RAPGEF4: variants seen among roughly 807,000 people sequenced by gnomAD.
RAPGEF4 encodes Rap guanine nucleotide exchange factor 4, also known as RAP guanine-nucleotide-exchange factor (GEF) 4.
A neutral mutation model predicts 147.9 loss-of-function variants in RAPGEF4; 66 were observed. The observed-to-expected ratio is 0.45, with a 90% CI of 0.37 to 0.55. RAPGEF4 has a LOEUF of 0.55. RAPGEF4 is among the 20% of genes least tolerant of loss of function. The pLI is 0.00. For synonymous variants in RAPGEF4, 419 were observed against 442.7 expected (o/e 0.95, Z 0.67); for missense variants, 1,071 against 1,257.3 (o/e 0.85, Z 2.24).
At chr2:172,885,672 G>A (rs1027664681) in intron 4 of RAPGEF4, among the ~76,000 whole-genome samples, 13 of 152,124 alleles carry the variant, frequency 8.5e-5, no homozygotes, top group Non-Finnish European at 1.6e-4. Flanking sequence ...TCACCACCAC[G>A]AGAACAGTAT....
At chr2:173,036,062 G>T in intron 27 of RAPGEF4, 63 bp from the exon 28 acceptor site, 2 of 1,203,196 alleles carry the variant, frequency 1.7e-6, no homozygotes, top group Non-Finnish European at 1.2e-6. Flanking sequence ...GGTGTATTAG[G>T]AGGTAACAAA....
At chr2:172,890,135 G>A (rs1306805820) in intron 4 of RAPGEF4, among the ~76,000 whole-genome samples, 5 of 152,188 alleles carry the variant, frequency 3.3e-5, no homozygotes, top group Non-Finnish European at 7.3e-5. Flanking sequence ...AATTTAGAGG[G>A]TTTTTATTTT....
At chr2:173,044,925 C>G (rs889166653) in intron 29 of RAPGEF4, among the ~76,000 whole-genome samples, 1 of 152,164 alleles carries the variant, frequency 6.6e-6, no homozygotes, top group African/African-American at 2.4e-5. Context: ...CCCACTCCGG[C>G]CTGGCGTTAT....
At chr2:172,844,387 C>G (rs1691948588) in intron 4 of RAPGEF4, among the ~76,000 whole-genome samples, 1 of 152,122 alleles carries the variant, frequency 6.6e-6, no homozygotes, top group Non-Finnish European at 1.5e-5. Context: ...GTGAGGCACT[C>G]GGGAAATAAA....
chr2:172,974,372 G>C (rs2123506), intron 10 of RAPGEF4, among the ~76,000 whole-genome samples: 1 of 152,130 alleles, frequency 6.6e-6, no homozygotes, highest in Non-Finnish European at 1.5e-5. Flanking sequence ...AAAGGTGTCA[G>C]GGAAATCCAA....
At chr2:172,760,035 C>T (rs2149463388) in intron 1 of RAPGEF4, among the ~76,000 whole-genome samples, 1 of 152,258 alleles carries the variant, frequency 6.6e-6, no homozygotes, top group Admixed American at 6.5e-5. Context: ...CACCAATGGG[C>T]ACAGACAAAA....
chr2:172,917,985 CTT>C (rs1407295839), intron 5 of RAPGEF4, 111 bp downstream of exon 5: 3 of 921,508 alleles, frequency 3.3e-6, no homozygotes, highest in Middle Eastern at 2.1e-4. Flanking sequence ...TCTCCAGACT[CTT>C]TTGTGGATAA....
At chr2:172,975,142 T>C (rs2105583673) in intron 10 of RAPGEF4, among the ~76,000 whole-genome samples, 1 of 152,322 alleles carries the variant, frequency 6.6e-6, no homozygotes, top group South Asian at 2.1e-4. Context: ...ATTTGCCAAA[T>C]CCGGCACCCA....
At chr2:172,973,613 G>A (rs540321323) in intron 10 of RAPGEF4, among the ~76,000 whole-genome samples, 25 of 152,274 alleles carry the variant, frequency 1.6e-4, no homozygotes, top group South Asian at 1.4e-3. Context: ...TTAGGCTGAC[G>A]TCAGTGGGGG....
At chr2:172,910,101 C>G (rs1699957632) in intron 4 of RAPGEF4, among the ~76,000 whole-genome samples, 1 of 152,194 alleles carries the variant, frequency 6.6e-6, no homozygotes, top group Admixed American at 6.5e-5. Flanking sequence ...TTGGGTGATT[C>G]CATGGCCTCA....
intron 4 of RAPGEF4, among the ~76,000 whole-genome samples, chr2:172,870,649 G>A (rs1695138581): frequency 6.6e-6 from 1 of 152,146 alleles, no homozygotes. Context: ...TTCAGTCACG[G>A]TGGGATGTTT....
In RAPGEF4 at chr2:172,985,425, TC is replaced by T. The variant is rs775083318; in HGVS notation, c.1090-7del. On this transcript the variant is annotated splice_region_variant and splice_polypyrimidine_tract_variant and intron_variant, in intron 11 of 30. Coordinates refer to ENST00000397081, the MANE Select transcript of RAPGEF4 (RefSeq NM_007023.4). ...GGCCTTTGCATGTTTCTTCTGTTTT[TC>T]TTCTAGGTGAAACGAGAGTTAGCAG... The T allele has an allele frequency of 6.2e-7, 1 of 1,614,066 alleles. No homozygotes were observed. The highest frequency in any genetic ancestry group is 1.1e-5 in the South Asian group (1 of 91,034).
At chr2:173,030,280 T>C (rs1269166040) in intron 26 of RAPGEF4, 26 bp downstream of exon 26, 5 of 1,563,956 alleles carry the variant, frequency 3.2e-6, no homozygotes, top group Non-Finnish European at 4.4e-6. Flanking sequence ...GATCCAGCTG[T>C]GACTTTTGCC....
intron 1 of RAPGEF4, among the ~76,000 whole-genome samples, chr2:172,779,540 A>G (rs1684492009): frequency 6.6e-6 from 1 of 152,214 alleles, no homozygotes; most frequent in Admixed American, 6.5e-5. Flanking sequence ...GTAGGAGACG[A>G]GGTTCCAAGG....
chr2:172,934,805 C>CTA (rs1686378340), intron 6 of RAPGEF4, among the ~76,000 whole-genome samples: 1 of 151,952 alleles, frequency 6.6e-6, no homozygotes, highest in Non-Finnish European at 1.5e-5. Flanking sequence ...CTTCACAAGG[C>CTA]TACAGAATTA....
At chr2:172,956,803 C>G (rs1688789977) in intron 6 of RAPGEF4, among the ~76,000 whole-genome samples, 1 of 152,166 alleles carries the variant, frequency 6.6e-6, no homozygotes, top group Non-Finnish European at 1.5e-5. Context: ...TAATTCAGAC[C>G]AAGCATGATG....
At chr2:173,040,515 G>A (rs1334673935) in intron 29 of RAPGEF4, among the ~76,000 whole-genome samples, 1 of 152,152 alleles carries the variant, frequency 6.6e-6, no homozygotes, top group East Asian at 1.9e-4. Flanking sequence ...TCCCCAGAAG[G>A]AGCCCCTGCC....
intron 16 of RAPGEF4, among the ~76,000 whole-genome samples, chr2:172,997,603 T>A (rs1483513889): frequency 6.6e-6 from 1 of 152,160 alleles, no homozygotes; most frequent in Non-Finnish European, 1.5e-5. Flanking sequence ...CCACTTTGGT[T>A]ACCATCTTGT....
At chr2:172,940,452 A>T (rs951205418) in intron 6 of RAPGEF4, among the ~76,000 whole-genome samples, 1 of 151,964 alleles carries the variant, frequency 6.6e-6, no homozygotes, top group Admixed American at 6.6e-5. Flanking sequence ...TCATGAGATC[A>T]GGTCATTTAA....
Sources: gnomAD v4.1 joint callset for allele counts (sites outside exome capture counted in the v4.1 genomes callset) on GRCh38, gnomAD v4.1.1 for gene constraint, MANE v1.5 for transcripts, NCBI Gene and HGNC (gene_info 2026-07-23, HGNC 2026-07-21) for gene names.